Variants in LRP11 observed in about 807,000 individuals in gnomAD.
LRP11 encodes low-density lipoprotein receptor-related protein 11.
LRP11 carries 25 observed loss-of-function variants against 43.1 expected under a neutral mutation model. The observed-to-expected ratio is 0.58, with a 90% CI of 0.42 to 0.81. The LOEUF (loss-of-function observed/expected upper bound fraction) is 0.81. Ranked by LOEUF, LRP11 falls within the 30% of genes least tolerant of loss-of-function variation. The pLI is 0.00. For synonymous variants in LRP11, 316 were observed against 299.4 expected, an observed-to-expected ratio of 1.06 and a Z score of -0.57; for missense variants, 623 against 665.1, an observed-to-expected ratio of 0.94 and a Z score of 0.70.
At chr6:149,820,843 A>G (rs910955056) in intron 6 of LRP11, 140 bp from the exon 7 acceptor site, 1 of 555,534 alleles carries the variant, frequency 1.8e-6, no homozygotes, top group African/African-American at 1.9e-5. Context: ...ACTATTTTGC[A>G]GATTAACTAA....
At chr6:149,859,394 ATATTTTT>A (rs1776853206) in intron 1 of LRP11, among the ~76,000 whole-genome samples, 1 of 73,874 alleles carries the variant, frequency 1.4e-5, no homozygotes, top group Non-Finnish European at 2.3e-5. Context: ...ATATATATAT[ATATTTTT>A]TTTTTTTTTT....
intron 2 of LRP11, among the ~76,000 whole-genome samples, chr6:149,846,219 T>C (rs1776630548): frequency 6.6e-6 from 1 of 151,832 alleles, no homozygotes; most frequent in African/African-American, 2.4e-5. Context: ...AGTGGAGAGG[T>C]GGGCGGGTGT....
At chr6:149,857,815 CCT>C (rs1554260377) in intron 1 of LRP11, among the ~76,000 whole-genome samples, 11 of 152,156 alleles carry the variant, frequency 7.2e-5, no homozygotes, top group African/African-American at 2.4e-4. Flanking sequence ...TTGCAATTCC[CCT>C]GTCTTGATAA....
intron 2 of LRP11, among the ~76,000 whole-genome samples, chr6:149,852,168 T>C (rs1776729336): frequency 6.6e-6 from 1 of 152,162 alleles, no homozygotes; most frequent in African/African-American, 2.4e-5. Context: ...CCAATTCTAA[T>C]GCAATATAAT....
chr6:149,825,631 TCATA>T (rs1267779541), intron 6 of LRP11, among the ~76,000 whole-genome samples: 1 of 151,446 alleles, frequency 6.6e-6, no homozygotes, highest in Non-Finnish European at 1.5e-5. Context: ...CTGCTCAAGG[TCATA>T]CAGTTTAGTG....
At position 149,820,613 on chromosome 6, in the gene LRP11, A is replaced by G. The variant is rs553264225; in HGVS notation, c.1439T>C (p.Leu480Pro). The G allele has an allele frequency of 2.6e-4, 201 of 780,990 alleles. 2 individuals carry two copies. The South Asian group carries it at 2.6e-3, about 10-fold the overall frequency. 48.4% of individuals were successfully genotyped at this position (780,990 alleles called of 1,614,324 possible). A position where few individuals can be genotyped will look rare whatever the true frequency, so the allele number is the denominator to read the frequency against. The change falls in exon 7 of 7, where the codon CTG (leucine) becomes CCG (proline). Residue 480 changes from leucine (L) to proline (P), a missense_variant. By Grantham distance (98) the Leu-to-Pro change is moderately conservative. Coordinates refer to ENST00000239367, the MANE Select transcript of LRP11 (RefSeq NM_032832.6). ...ACRLRLVKQK[L>P]KKARPITSEE... The stretch of plus-strand genomic sequence containing the variant: ...AGATGTAATGGGACGAGCTTTTTTC[A>G]GTTTCTGTTTCACCAGTCGTAGTCG...
intron 2 of LRP11, among the ~76,000 whole-genome samples, chr6:149,846,983 GAATAGAATAGAATA>G (rs1776645546): frequency 6.6e-6 from 1 of 151,638 alleles, no homozygotes; most frequent in South Asian, 2.1e-4. Context: ...GAATAGAATA[GAATAGAATAGAATA>G]GAATAGAATA....
At chr6:149,862,892 AT>A (rs1776943044) in intron 1 of LRP11, among the ~76,000 whole-genome samples, 1 of 151,954 alleles carries the variant, frequency 6.6e-6, no homozygotes, top group South Asian at 2.1e-4. Context: ...AAAGTTTCTT[AT>A]TTTCAACGAA....
chr6:149,842,968 G>A lies in LRP11; in HGVS notation c.913+15C>T, dbSNP rs748621121. ...CCACAAGCAGTGGGAAGCGAGGGAAGGACTTTCTTCTCACCTCCTGTGGAG... is the reference window on the plus strand; with the variant it reads ...CCACAAGCAGTGGGAAGCGAGGGAAAGACTTTCTTCTCACCTCCTGTGGAG... On this transcript the variant is annotated intron_variant, in intron 3 of 6. Coordinates refer to ENST00000239367, the MANE Select transcript of LRP11 (RefSeq NM_032832.6). 13 of 1,613,702 alleles carry A rather than the reference G, an allele frequency of 8.1e-6. No homozygotes were observed. In the South Asian group the frequency reaches 1.4e-4, roughly 18 times the overall value.
chr6:149,841,768 A>C (rs1776552008), intron 3 of LRP11, among the ~76,000 whole-genome samples: 1 of 151,836 alleles, frequency 6.6e-6, no homozygotes, highest in Admixed American at 6.6e-5. Flanking sequence ...CAAAATTAGC[A>C]GGGCGTGGTG....
intron 2 of LRP11, among the ~76,000 whole-genome samples, chr6:149,846,953 T>TTAGAATAGAATAG (rs1554259655): frequency 7.6e-6 from 1 of 131,414 alleles, no homozygotes; most frequent in Non-Finnish European, 1.6e-5. Context: ...TAAAATAAAA[T>TTAGAATAGAATAG]AATAGAATAG....
rs77397358 is a variant in LRP11 at position 149,836,447 on chromosome 6, A to C, written c.1040-150T>G. 4,471 of 667,196 alleles carry C rather than the reference A, an allele frequency of 6.7e-3. 173 individuals are homozygous for C. In the African/African-American group the frequency reaches 0.072, roughly 11 times the overall value. The allele number at this position is 667,196 out of a possible 1,614,324, so 41.3% of individuals were successfully genotyped here. Reference sequence around the variant, plus strand: ...ACATGTCAGAGGACCATAAAAATCTATTCTCACGTTTTCAAATGGGTAATC... The same window carrying C: ...ACATGTCAGAGGACCATAAAAATCTCTTCTCACGTTTTCAAATGGGTAATC... On this transcript the variant is annotated intron_variant, in intron 4 of 6. Coordinates refer to ENST00000239367, the MANE Select transcript of LRP11 (RefSeq NM_032832.6).
intron 2 of LRP11, among the ~76,000 whole-genome samples, chr6:149,849,258 T>C (rs1420209723): frequency 6.6e-6 from 1 of 152,266 alleles, no homozygotes; most frequent in Non-Finnish European, 1.5e-5. Context: ...TGACTTCAGA[T>C]TTAAATGTAT....
chr6:149,823,685 ACTC>A (rs1393710910), intron 6 of LRP11, among the ~76,000 whole-genome samples: 3 of 152,030 alleles, frequency 2.0e-5, no homozygotes, highest in African/African-American at 4.8e-5. Flanking sequence ...CCCAGGTAAA[ACTC>A]CTGAACAAGA....
At position 149,843,166 on chromosome 6, in the gene LRP11, G is replaced by C. The variant is rs772901899; in HGVS notation, c.772-42C>G. On this transcript the variant is annotated intron_variant, in intron 2 of 6. Coordinates refer to ENST00000239367, the MANE Select transcript of LRP11 (RefSeq NM_032832.6). ...ACACATCACGTCGAGCAGCAGACTT[G>C]AGCTCCGAGCCCAACACCATCCTCA... 6 of 1,612,578 alleles carry C rather than the reference G, an allele frequency of 3.7e-6. No individual in the cohort carries two copies. In the African/African-American group the frequency reaches 6.7e-5, roughly 18 times the overall value.
At chr6:149,856,182 T>G (rs1044243668) in intron 1 of LRP11, among the ~76,000 whole-genome samples, 8 of 152,208 alleles carry the variant, frequency 5.3e-5, no homozygotes, top group Admixed American at 3.9e-4. Flanking sequence ...AATGGACACA[T>G]AATTTTTTAA....
Position 149,836,167 on chromosome 6 carries a change from C to A in LRP11, c.1170G>T (p.Lys390Asn), listed in dbSNP as rs756865322. The change falls in exon 5 of 7, where the codon AAG becomes AAT. Residue 390 changes from lysine to asparagine, a missense_variant. Coordinates refer to ENST00000239367, the MANE Select transcript of LRP11 (RefSeq NM_032832.6). ...TCTCTGTGTTTGATAATGCAGGTGGCTTGTTTGGGGCAGTGGCTTTCTGAG... is the reference window on the plus strand; with the variant it reads ...TCTCTGTGTTTGATAATGCAGGTGGATTGTTTGGGGCAGTGGCTTTCTGAG... The part of the protein sequence containing the change: ...EKSQKATAPN[K>N]PPALSNTEKR... 67 of 1,613,946 alleles carry A rather than the reference C, an allele frequency of 4.2e-5. No individual in the cohort carries two copies. The highest frequency in any genetic ancestry group is 1.6e-4 in the Middle Eastern group (1 of 6,084).
At chr6:149,862,142 C>T (rs1776912664) in intron 1 of LRP11, among the ~76,000 whole-genome samples, 1 of 152,120 alleles carries the variant, frequency 6.6e-6, no homozygotes, top group East Asian at 1.9e-4. Flanking sequence ...TGCCTCAAGG[C>T]CAAGCAGTCG....
intron 5 of LRP11, among the ~76,000 whole-genome samples, chr6:149,830,496 C>T (rs1776395580): frequency 6.6e-6 from 1 of 152,164 alleles, no homozygotes; most frequent in Non-Finnish European, 1.5e-5. Flanking sequence ...CAAGTCAATA[C>T]TATATTTATT....
Sources: gnomAD v4.1 joint callset for allele counts (sites outside exome capture counted in the v4.1 genomes callset) on GRCh38, gnomAD v4.1.1 for gene constraint, MANE v1.5 for transcripts, NCBI Gene and HGNC (gene_info 2026-07-23, HGNC 2026-07-21) for gene names.